The following HYOU1 variants were observed in gnomAD, a reference collection of about 807,000 sequenced individuals.
The protein encoded by HYOU1 is hypoxia up-regulated protein 1.
Under a neutral mutation model 120.5 loss-of-function variants are expected in HYOU1, and 40 were observed. The observed-to-expected ratio is 0.33, with a 90% CI of 0.26 to 0.43. The LOEUF is 0.43. Ranked by LOEUF, HYOU1 falls within the 20% of genes least tolerant of loss-of-function variation. The probability of loss-of-function intolerance (pLI) is 1.00; values close to 1 mark genes in which losing one functional copy is unlikely to be tolerated. For synonymous variants in HYOU1, 501 were observed against 479.4 expected (o/e 1.05, Z -0.59); for missense variants, 1,085 against 1,278.3 (o/e 0.85, Z 2.31).
Position 119,046,783 on chromosome 11 carries a change from A to G in HYOU1, c.2615T>C (p.Leu872Pro). The G allele has an allele frequency of 6.2e-7, 1 of 1,600,694 alleles. No individual in the cohort carries two copies. Among genetic ancestry groups the G allele is most frequent in the South Asian group, 1.1e-5 (1 of 91,062 alleles). ...GGCGGGCAGCTTAGCCTGCTCGGCC[A>G]GAGTTGCATTCTTCCAGGCCTGTGG... ...NETWAWKNATLAEQAKLPATE... is the reference protein window; with the variant it reads ...NETWAWKNATPAEQAKLPATE... The change falls in exon 23 of 26, where the codon CTG (leucine) becomes CCG (proline). Residue 872 changes from leucine (L) to proline (P), a missense_variant. Physicochemically the swap from Leu to Pro is moderately conservative, Grantham distance 98. Around this residue, in one of 4 missense-constraint regions of HYOU1, gnomAD observed 516 missense variants for 517.1 expected, o/e 1.00. Coordinates refer to ENST00000617285, the MANE Select transcript of HYOU1 (RefSeq NM_006389.5).
In HYOU1 at chr11:119,054,734, A is replaced by T. The variant is rs2133607873; in HGVS notation, c.497-59T>A. 1.2e-3 allele frequency: 1,883 copies of T among 1,529,868 alleles called. 2 individuals are homozygous for T. Among genetic ancestry groups the T allele is most frequent in the Non-Finnish European group, 1.6e-3 (1,788 of 1,123,936 alleles). The allele number at this position is 1,529,868 out of a possible 1,614,324, so 94.8% of individuals were successfully genotyped here. ...TCCATACCTTAGATGAGGGCTTCTA[A>T]TCTGGTCACTAATGACATTTTGGAC... On this transcript the variant is annotated intron_variant, in intron 6 of 25. Coordinates refer to ENST00000617285, the MANE Select transcript of HYOU1 (RefSeq NM_006389.5).
chr11:119,051,347 C>T lies in HYOU1; in HGVS notation c.1526+91G>A. On this transcript the variant is annotated intron_variant, in intron 13 of 25. Transcript: ENST00000617285. The surrounding 1 kb of genome is among the most constrained non-coding windows in gnomAD (Gnocchi z 4.2). ...AGCTGCCCTGTTTCAGCCCCGCAGGCCCACATCCTCCCTCACCCCCAGTCC... is the reference window on the plus strand; with the variant it reads ...AGCTGCCCTGTTTCAGCCCCGCAGGTCCACATCCTCCCTCACCCCCAGTCC... 2.0e-6 allele frequency: 3 copies of T among 1,499,762 alleles called. No homozygotes were observed. The highest frequency in any genetic ancestry group is 2.4e-5 in the South Asian group (2 of 83,174). 92.9% of individuals were successfully genotyped at this position (1,499,762 alleles called of 1,614,324 possible).
chr11:119,046,365 C>T, intron 24 of HYOU1, 52 bp downstream of exon 24: 1 of 1,580,284 alleles, frequency 6.3e-7, no homozygotes, highest in Non-Finnish European at 8.7e-7. Flanking sequence ...AGTTTGCCTA[C>T]CCCTGGGCTA....
intron 24 of HYOU1, among the ~76,000 whole-genome samples, 155 bp downstream of exon 24, chr11:119,046,262 G>T (rs1305145058): frequency 1.6e-5 from 2 of 128,566 alleles, no homozygotes; most frequent in Non-Finnish European, 3.2e-5. Flanking sequence ...CACCGTGCCT[G>T]GCCTTTTTTT....
At position 119,049,182 on chromosome 11, in the gene HYOU1, C is replaced by T. The variant is rs2133570363; in HGVS notation, c.1828G>A (p.Glu610Lys). 6 of 1,602,362 alleles carry T rather than the reference C, an allele frequency of 3.7e-6. No individual in the cohort carries two copies. The South Asian group carries it at 6.7e-5, about 18-fold the overall frequency. ...TVQEEEESPAEGSKDEPGEQV... is the reference protein window; with the variant it reads ...TVQEEEESPAKGSKDEPGEQV... ...TCCCCAGGCTCGTCCTTGCTCCCCT[C>T]TGCAGGGCTCTCCTCTTCCTCCTGG... The change falls in exon 17 of 26, where the codon GAG (glutamate) becomes AAG (lysine). Residue 610 changes from glutamate to lysine, a missense_variant. By Grantham distance (56) the Glu-to-Lys change is moderately conservative (BLOSUM62 1). Around this residue, in one of 4 missense-constraint regions of HYOU1, gnomAD observed 516 missense variants for 517.1 expected, o/e 1.00. Coordinates refer to ENST00000617285, the MANE Select transcript of HYOU1 (RefSeq NM_006389.5).
Position 119,048,321 on chromosome 11 carries a change from C to A in HYOU1, c.2303G>T (p.Arg768Leu). 6.2e-7 allele frequency: 1 copy of A among 1,610,702 alleles called. No homozygotes were observed. The highest frequency in any genetic ancestry group is 1.1e-5 in the South Asian group (1 of 91,068). Residue 768 changes from arginine to leucine, a missense_variant, in exon 20 of 26, where the codon CGT (arginine) becomes CTT (leucine). Arg to Leu is a moderately radical substitution (Grantham distance 102). Transcript: ENST00000617285. This position sits in a 1 kb window ranked among gnomAD's most constrained non-coding sequence, Gnocchi z 4.7. Reference sequence around the variant, plus strand: ...GCTGAGCTTCCCAGAGATCTCCTCACGCTGCTCCTCTGTGGACACTTCCTG... The same window carrying A: ...GCTGAGCTTCCCAGAGATCTCCTCAAGCTGCTCCTCTGTGGACACTTCCTG... ...EYQEVSTEEQ[R>L]EEISGKLSAA...
chr11:119,049,642 G>A lies in HYOU1; in HGVS notation c.1727-7C>T. On this transcript the variant is annotated splice_polypyrimidine_tract_variant and splice_region_variant and intron_variant, in intron 15 of 25. Coordinates refer to ENST00000617285, the MANE Select transcript of HYOU1 (RefSeq NM_006389.5). ...GAAATGGTGTTGCCAAGTTCTAGGG[G>A]GAGTAAAACCCAAAGACTCAAAAGG... The A allele has an allele frequency of 1.9e-6, 3 of 1,614,096 alleles. No individual in the cohort carries two copies. The highest frequency in any genetic ancestry group is 2.5e-6 in the Non-Finnish European group (3 of 1,179,994).
rs2133557620 is a variant in HYOU1 at position 119,047,705 on chromosome 11, A to T, written c.2595+29T>A. 5 of 1,572,332 alleles carry T rather than the reference A, an allele frequency of 3.2e-6. No individual in the cohort carries two copies. The Admixed American group carries it at 5.0e-5, about 16-fold the overall frequency. ...ACAGTACCTAGGATGGCAGCTAAGT[A>T]TCTGGTTAAGTATTTACGAAGTGAT... On this transcript the variant is annotated intron_variant, in intron 22 of 25. Coordinates refer to ENST00000617285, the MANE Select transcript of HYOU1 (RefSeq NM_006389.5).
chr11:119,056,218 G>C, intron 1 of HYOU1, 51 bp from the exon 2 acceptor site: 1 of 1,288,908 alleles, frequency 7.8e-7, no homozygotes, highest in Non-Finnish European at 1.1e-6. Flanking sequence ...CCGGAGTGAA[G>C]GAGACAGAAT....
chr11:119,052,537 A>G lies in HYOU1; in HGVS notation c.987+100T>C. On this transcript the variant is annotated intron_variant, in intron 9 of 25. Coordinates refer to ENST00000617285, the MANE Select transcript of HYOU1 (RefSeq NM_006389.5). The surrounding 1 kb of genome is among the most constrained non-coding windows in gnomAD (Gnocchi z 5.0). Reference sequence around the variant, plus strand: ...TCTTTGGGAGGATGGTAGCGGGAGGAGCATGGGCCATGCCAGGCACGAGCA... The same window carrying G: ...TCTTTGGGAGGATGGTAGCGGGAGGGGCATGGGCCATGCCAGGCACGAGCA... 3.2e-6 allele frequency: 5 copies of G among 1,577,576 alleles called. No homozygotes were observed. Among genetic ancestry groups the G allele is most frequent in the Non-Finnish European group, 4.3e-6 (5 of 1,156,968 alleles).
rs1209112780 is a variant in HYOU1 at position 119,054,999 on chromosome 11, C to A, written c.481G>T (p.Ala161Ser). The change falls in exon 6 of 26, where the codon GCT becomes TCT. Residue 161 changes from alanine to serine, a missense_variant. Coordinates refer to ENST00000617285, the MANE Select transcript of HYOU1 (RefSeq NM_006389.5). ...GMVLNYSRSL[A>S]EDFAEQPIKD... ...GACCACTCACCTGCAAAATCTTCAG[C>A]TAGAGAACGAGAATAATTGAGAACC... The A allele has an allele frequency of 6.2e-7, 1 of 1,613,914 alleles. No individual in the cohort carries two copies. Among genetic ancestry groups the A allele is most frequent in the Non-Finnish European group, 8.5e-7 (1 of 1,180,036 alleles).
chr11:119,049,966 C>T, intron 14 of HYOU1, 129 bp from the exon 15 acceptor site: 1 of 838,964 alleles, frequency 1.2e-6, no homozygotes, highest in South Asian at 1.4e-5. Flanking sequence ...CCTGCCTTTT[C>T]TAAGGACTTG....
rs1944718873 is a variant in HYOU1, at chr11:119,055,773, C to A, written c.162G>T (p.Val54=). The change falls in exon 3 of 26, where the codon GTG becomes GTT. Residue 54 remains valine (V), a synonymous_variant. Coordinates refer to ENST00000617285, the MANE Select transcript of HYOU1 (RefSeq NM_006389.5). The surrounding 1 kb of genome is among the most constrained non-coding windows in gnomAD (Gnocchi z 4.0). ...SMKVAIVKPG[V]PMEIVLNKES... ...ACTTATTCAAGACAATTTCCATGGG[C>A]ACTCCAGGTTTGACAATGGCCACCT... The A allele has an allele frequency of 6.2e-7, 1 of 1,613,960 alleles. No individual in the cohort carries two copies. The highest frequency in any genetic ancestry group is 1.1e-5 in the South Asian group (1 of 91,082).
intron 16 of HYOU1, 159 bp downstream of exon 16, chr11:119,049,397 A>T (rs1350198722): frequency 4.5e-6 from 7 of 1,568,014 alleles, no homozygotes; most frequent in Non-Finnish European, 6.0e-6. Flanking sequence ...GGGCCTTGGG[A>T]GCACCAGTCA....
At position 119,049,599 on chromosome 11, in the gene HYOU1, C is replaced by A; in HGVS notation, c.1763G>T (p.Gly588Val). Residue 588 changes from glycine to valine, a missense_variant, in exon 16 of 26, where the codon GGT becomes GTT. Gly to Val is a moderately radical substitution (Grantham distance 109). Coordinates refer to ENST00000617285, the MANE Select transcript of HYOU1 (RefSeq NM_006389.5). ...GNTISSLFGG[G>V]TTPDAKENGT... ...ATTCTCCTTGGCATCTGGTGTGGTACCGCCTCCAAACAGGCTGGAAATGGT... is the reference window on the plus strand; with the variant it reads ...ATTCTCCTTGGCATCTGGTGTGGTAACGCCTCCAAACAGGCTGGAAATGGT... 6.2e-7 allele frequency: 1 copy of A among 1,614,128 alleles called. No homozygotes were observed. Among genetic ancestry groups the A allele is most frequent in the Non-Finnish European group, 8.5e-7 (1 of 1,180,028 alleles).
At chr11:119,050,272 G>C (rs1348475995) in intron 14 of HYOU1, among the ~76,000 whole-genome samples, 1 of 152,108 alleles carries the variant, frequency 6.6e-6, no homozygotes, top group Admixed American at 6.6e-5. Flanking sequence ...AATTAGCCAG[G>C]TGTGGTGGCA....
Position 119,052,517 on chromosome 11 carries a change from G to A in HYOU1, c.988-88C>T. 1.9e-6 allele frequency: 3 copies of A among 1,594,406 alleles called. No homozygotes were observed. Reference sequence around the variant, plus strand: ...ACAGAAACAAAAAGAATAGGTCTTTGGGAGGATGGTAGCGGGAGGAGCATG... The same window carrying A: ...ACAGAAACAAAAAGAATAGGTCTTTAGGAGGATGGTAGCGGGAGGAGCATG... On this transcript the variant is annotated intron_variant, in intron 9 of 25. Coordinates refer to ENST00000617285, the MANE Select transcript of HYOU1 (RefSeq NM_006389.5). This position sits in a 1 kb window ranked among gnomAD's most constrained non-coding sequence, Gnocchi z 5.0.
intron 1 of HYOU1, 87 bp from the exon 2 acceptor site, chr11:119,056,254 A>AGATTCAT: frequency 1.1e-6 from 1 of 918,246 alleles, no homozygotes; most frequent in Admixed American, 2.0e-5. Context: ...AGAGGCTGTA[A>AGATTCAT]GATTCATATC....
In HYOU1 at chr11:119,044,843, G is replaced by A. The variant is rs1422771228; in HGVS notation, c.*750C>T. On this transcript the variant is annotated 3_prime_UTR_variant, in exon 26 of 26. Coordinates refer to ENST00000617285, the MANE Select transcript of HYOU1 (RefSeq NM_006389.5). The stretch of plus-strand genomic sequence containing the variant: ...TGGCACCCCATGCCAACCACTCTAC[G>A]TGGCTTTCCTCTTCGGAGAGGTGGT... 1.5e-5 allele frequency: 4 copies of A among 266,766 alleles called. No homozygotes were observed. Among genetic ancestry groups the A allele is most frequent in the East Asian group, 8.2e-5 (1 of 12,184 alleles). 16.5% of individuals were successfully genotyped at this position (266,766 alleles called of 1,614,324 possible).
Sources: allele counts gnomAD v4.1 joint callset (sites outside exome capture counted in the v4.1 genomes callset), GRCh38; gene constraint gnomAD v4.1.1; regional missense constraint gnomAD v4.1.1; non-coding constraint Gnocchi (gnomAD v3.1); transcripts MANE v1.5; gene names NCBI Gene and HGNC (gene_info 2026-07-23, HGNC 2026-07-21).